CEP72: variants seen among roughly 807,000 people sequenced by gnomAD.
CEP72 encodes the protein centrosomal protein of 72 kDa.
Under a neutral mutation model 65.7 loss-of-function variants are expected in CEP72, and 78 were observed. The observed-to-expected ratio is 1.19, with a 90% CI of 0.99 to 1.43. The LOEUF (loss-of-function observed/expected upper bound fraction) is 1.43. Ranked by LOEUF, CEP72 falls within the 40% of genes most tolerant of loss-of-function variation. The pLI is 0.00. For missense variants in CEP72, 914 were observed against 832.9 expected, an observed-to-expected ratio of 1.10 and a Z score of -1.20; for synonymous variants, 358 against 351.7, an observed-to-expected ratio of 1.02 and a Z score of -0.20.
intron 8 of CEP72, 152 bp from the exon 9 acceptor site, chr5:640,256 T>TGGTTTTGTGGC (rs1737917899): frequency 3.2e-6 from 3 of 948,602 alleles, no homozygotes; most frequent in Admixed American, 2.8e-5. Flanking sequence ...GAGCCTGAGG[T>TGGTTTTGTGGC]GGTTTTGTGG....
chr5:649,281 CTG>C (rs1171483953), intron 11 of CEP72, among the ~76,000 whole-genome samples: 3 of 85,708 alleles, frequency 3.5e-5, no homozygotes, highest in Non-Finnish European at 6.2e-5. Flanking sequence ...TGAGGTGTGA[CTG>C]TGAGGCATGG....
intron 9 of CEP72, chr5:642,544 CA>C: frequency 1.0e-6 from 1 of 985,498 alleles, no homozygotes. Flanking sequence ...AGGCGGAGCC[CA>C]AAGGTGTGCC....
At position 617,510 on chromosome 5, in the gene CEP72, C is replaced by T. The variant is rs115164577; in HGVS notation, c.83-1480C>T. Among the ~76,000 whole-genome samples, 856 of 152,292 alleles carry T rather than the reference C, an allele frequency of 5.6e-3. 3 individuals are homozygous for T. Among genetic ancestry groups the T allele is most frequent in the Middle Eastern group, 0.037 (11 of 294 alleles). On this transcript the variant is annotated intron_variant, in intron 1 of 11. Transcript: ENST00000264935. ...TGGTCAGGAAACCACAAGACTGTCACGGAAACCCTTTTCTTTCAGTAACAT... is the reference window on the plus strand; with the variant it reads ...TGGTCAGGAAACCACAAGACTGTCATGGAAACCCTTTTCTTTCAGTAACAT...
At chr5:639,816 C>T (rs1236472556) in intron 8 of CEP72, among the ~76,000 whole-genome samples, 1 of 152,192 alleles carries the variant, frequency 6.6e-6, no homozygotes, top group East Asian at 1.9e-4. Context: ...TGTGTGTGTC[C>T]CTCAGGAGCC....
At chr5:635,322 A>G (rs1737511798) in intron 5 of CEP72, 50 bp from the exon 6 acceptor site, 1 of 1,393,480 alleles carries the variant, frequency 7.2e-7, no homozygotes, top group African/African-American at 1.4e-5. Flanking sequence ...TTGATGGAAT[A>G]AAACTTTTAC....
At chr5:656,739 T>G (rs1366342543), downstream of CEP72, among the ~76,000 whole-genome samples, 4 of 152,130 alleles carry the variant, frequency 2.6e-5, no homozygotes, top group African/African-American at 9.7e-5. Context: ...TTGTTCTGGA[T>G]TTTTACTTTA....
intron 9 of CEP72, chr5:642,940 C>G (rs1191734172): frequency 1.0e-6 from 1 of 985,352 alleles, no homozygotes; most frequent in Non-Finnish European, 1.2e-6. Flanking sequence ...TGTCCTGAGG[C>G]AAGGTGGCCC....
Position 641,885 on chromosome 5 carries a change from C to T in CEP72, c.1539+1281C>T, listed in dbSNP as rs1237376719. 5.1e-6 allele frequency: 5 copies of T among 974,460 alleles called. No individual in the cohort carries two copies. In the African/African-American group the frequency reaches 7.5e-5, roughly 15 times the overall value. The allele number at this position is 974,460 out of a possible 1,614,324, so 60.4% of individuals were successfully genotyped here. On this transcript the variant is annotated intron_variant, in intron 9 of 11. Transcript: ENST00000264935. ...CCAGAAGCCTGTGCATTTAAACACA[C>T]GTGGTCCCCCGTCCAGAAGCCTGTG...
chr5:652,849 G>A, intron 11 of CEP72, 139 bp from the exon 12 acceptor site: 2 of 919,850 alleles, frequency 2.2e-6, no homozygotes, highest in Non-Finnish European at 3.1e-6. Context: ...AGAAGGTGAT[G>A]GGGCCACAGA....
downstream of CEP72, among the ~76,000 whole-genome samples, chr5:654,377 G>A (rs1032647449): frequency 1.3e-5 from 2 of 149,928 alleles, no homozygotes; most frequent in South Asian, 2.1e-4. Flanking sequence ...GTGTGTGCAC[G>A]CGTTGTGTAT....
rs769460529 is a variant in CEP72 at position 635,483 on chromosome 5, T to A, written c.803T>A (p.Met268Lys). ...TGCAGAGGGTGCTGTCTGGAGAAGA[T>A]GCCTTGGAGCCAGCTCTGTGGAGAG... is the stretch of plus-strand genomic sequence containing the variant. Reference protein sequence around the residue: ...SSCRGCCLEKMPWSQLCGELP... With the variant: ...SSCRGCCLEKKPWSQLCGELP... Residue 268 changes from methionine to lysine, a missense_variant, in exon 6 of 12, where the codon ATG becomes AAG. By Grantham distance (95) the Met-to-Lys change is moderately conservative. Coordinates refer to ENST00000264935, the MANE Select transcript of CEP72 (RefSeq NM_018140.4). 1.2e-6 allele frequency: 2 copies of A among 1,614,042 alleles called. No homozygotes were observed. The highest frequency in any genetic ancestry group is 1.7e-6 in the Non-Finnish European group (2 of 1,180,038).
chr5:650,852 C>T (rs867440622), intron 11 of CEP72, among the ~76,000 whole-genome samples: 16 of 6,194 alleles, frequency 2.6e-3, no homozygotes, highest in South Asian at 0.013. Context: ...GACTGTGAGG[C>T]GTGGACTGTG....
chr5:624,477 G>A lies in CEP72; in HGVS notation c.410G>A (p.Arg137His), dbSNP rs538033713. 8 of 1,613,690 alleles carry A rather than the reference G, an allele frequency of 5.0e-6. No homozygotes were observed. In the East Asian group the frequency reaches 6.7e-5, roughly 13 times the overall value. The change falls in exon 4 of 12, where the codon CGC (arginine) becomes CAC (histidine). Residue 137 changes from arginine to histidine, a missense_variant. By Grantham distance (29) the Arg-to-His change is conservative (BLOSUM62 0). Transcript: ENST00000264935. This position sits in a 1 kb window ranked among gnomAD's most constrained non-coding sequence, Gnocchi z 4.7. Reference protein sequence around the residue: ...LLPKLQQLDDRPVRASERKAS... With the variant: ...LLPKLQQLDDHPVRASERKAS... ...GTGTGGCCTTTTCTTCTAGACGATC[G>A]CCCCGTGAGAGCAAGCGAGCGGAAG...
downstream of CEP72, among the ~76,000 whole-genome samples, chr5:667,557 T>C (rs186279256): frequency 1.6e-4 from 25 of 152,174 alleles, no homozygotes; most frequent in Non-Finnish European, 2.8e-4. Context: ...AAAAAATGGA[T>C]GAACTAGACT....
intron 2 of CEP72, 115 bp downstream of exon 2, chr5:619,232 A>G: frequency 1.1e-6 from 1 of 898,420 alleles, no homozygotes; most frequent in Non-Finnish European, 1.7e-6. Context: ...TATACGGTAC[A>G]CTTTGTGTTG....
intron 6 of CEP72, among the ~76,000 whole-genome samples, chr5:636,823 A>G (rs969844430): frequency 3.3e-5 from 5 of 151,782 alleles, no homozygotes; most frequent in Admixed American, 1.3e-4. Context: ...AAAAAAAAAA[A>G]AAAAGAAAAA....
At chr5:636,851 G>A (rs1022726079) in intron 6 of CEP72, among the ~76,000 whole-genome samples, 2 of 151,740 alleles carry the variant, frequency 1.3e-5, no homozygotes, top group Admixed American at 6.6e-5. Context: ...CTTGTCTCGC[G>A]TGACCCTGGC....
At chr5:643,909 C>T (rs910595473) in intron 9 of CEP72, among the ~76,000 whole-genome samples, 4 of 152,232 alleles carry the variant, frequency 2.6e-5, no homozygotes, top group Non-Finnish European at 5.9e-5. Flanking sequence ...CACACTGGCA[C>T]CAAGGCCTGG....
In CEP72 at chr5:634,358, G is replaced by A. The variant is rs568690227; in HGVS notation, c.691+411G>A. On this transcript the variant is annotated intron_variant, in intron 5 of 11. Coordinates refer to ENST00000264935, the MANE Select transcript of CEP72 (RefSeq NM_018140.4). ...CTGTAGATCCCAGCAAGGGTGTCTC[G>A]GAGACTCCGTTGCCCGGTGGCACTG... 2.2e-3 allele frequency among the ~76,000 whole-genome samples: 330 copies of A among 152,308 alleles called. 2 individuals carry two copies. Among genetic ancestry groups the A allele is most frequent in the South Asian group, 5.0e-3 (24 of 4,826 alleles).
Sources: gnomAD v4.1 joint callset for allele counts (sites outside exome capture counted in the v4.1 genomes callset) on GRCh38, gnomAD v4.1.1 for gene constraint, Gnocchi (gnomAD v3.1) non-coding constraint, MANE v1.5 for transcripts, NCBI Gene and HGNC (gene_info 2026-07-23, HGNC 2026-07-21) for gene names.